The following FAM117A variants were observed in gnomAD, a reference collection of about 807,000 sequenced individuals.
FAM117A encodes family with sequence similarity 117 member A.
In FAM117A, 21 loss-of-function variants were observed where a neutral mutation model predicts 44.1. The observed-to-expected ratio is 0.48, with a 90% CI of 0.34 to 0.69. The LOEUF (loss-of-function observed/expected upper bound fraction) is 0.69. FAM117A is among the 30% of genes least tolerant of loss of function. FAM117A has a pLI of 0.01. For synonymous variants in FAM117A, 220 were observed against 238.3 expected (o/e 0.92, Z 0.71); for missense variants, 498 against 589.9 (o/e 0.84, Z 1.61).
chr17:49,720,587 G>T, intron 3 of FAM117A, 151 bp from the exon 4 acceptor site: 4 of 630,334 alleles, frequency 6.3e-6, no homozygotes, highest in Non-Finnish European at 1.1e-5. Flanking sequence ...TAGCTCAATG[G>T]TGTTAAAACT....
At chr17:49,782,722 C>A (rs973125417) in intron 1 of FAM117A, among the ~76,000 whole-genome samples, 1 of 147,470 alleles carries the variant, frequency 6.8e-6, no homozygotes, top group Non-Finnish European at 1.5e-5. Context: ...CCCTTTGTGG[C>A]GGCAATGAGA....
chr17:49,719,183 C>T (rs1204286993), intron 5 of FAM117A, among the ~76,000 whole-genome samples: 1 of 152,132 alleles, frequency 6.6e-6, no homozygotes, highest in South Asian at 2.1e-4. Flanking sequence ...ACTGCTTGAA[C>T]CCGGGAGGCG....
intron 1 of FAM117A, among the ~76,000 whole-genome samples, chr17:49,756,874 G>A (rs1053743964): frequency 2.0e-5 from 3 of 146,740 alleles, no homozygotes; most frequent in East Asian, 4.0e-4. Context: ...CTGAGATCAC[G>A]CCACTGCACT....
At chr17:49,783,560 A>T (rs1259691301) in intron 1 of FAM117A, among the ~76,000 whole-genome samples, 1 of 152,154 alleles carries the variant, frequency 6.6e-6, no homozygotes, top group Non-Finnish European at 1.5e-5. Flanking sequence ...GGTGGGGGCT[A>T]AGGGTGCTAC....
chr17:49,713,602 G>A (rs981137004), intron 7 of FAM117A, among the ~76,000 whole-genome samples: 2 of 151,966 alleles, frequency 1.3e-5, no homozygotes, highest in African/African-American at 2.4e-5. Context: ...CACCTCCTGG[G>A]CTCAAGCAAT....
intron 1 of FAM117A, 88 bp downstream of exon 1, chr17:49,763,804 C>T (rs1474224070): frequency 2.0e-6 from 1 of 491,668 alleles, no homozygotes. Context: ...ACTTTCCCCT[C>T]ACACTTCTCC....
At chr17:49,778,118 TTG>T (rs1487023090) in intron 1 of FAM117A, among the ~76,000 whole-genome samples, 14 of 152,232 alleles carry the variant, frequency 9.2e-5, no homozygotes, top group African/African-American at 3.4e-4. Flanking sequence ...TGTGTAGCTA[TTG>T]TCTATACATG....
chr17:49,777,771 A>G (rs1337290675), intron 1 of FAM117A, among the ~76,000 whole-genome samples: 1 of 152,160 alleles, frequency 6.6e-6, no homozygotes, highest in East Asian at 1.9e-4. Context: ...CAGGAATACC[A>G]GGCCCAGGCA....
rs771955381 is a variant in FAM117A at position 49,732,685 on chromosome 17, C to T, written c.232G>A (p.Val78Met). Residue 78 changes from valine (V) to methionine (M), a missense_variant, in exon 2 of 8, where the codon GTG becomes ATG. Coordinates refer to ENST00000240364, the MANE Select transcript of FAM117A (RefSeq NM_030802.4). ...VPCSVAPEKS[V>M]CRPQPLQVRR... ...ACCTGAAGTGGCTGAGGCCTACACA[C>T]TGACTTTTCTGGGGCCACCGAGCAT... 8 of 1,613,870 alleles carry T rather than the reference C, an allele frequency of 5.0e-6. No homozygotes were observed. The highest frequency in any genetic ancestry group is 6.8e-6 in the Non-Finnish European group (8 of 1,179,924).
chr17:49,768,165 G>A (rs772512647), upstream of FAM117A, among the ~76,000 whole-genome samples: 5 of 152,150 alleles, frequency 3.3e-5, no homozygotes, highest in African/African-American at 4.8e-5. Flanking sequence ...AAGGGTCTAA[G>A]AGATTACCAA....
intron 2 of FAM117A, among the ~76,000 whole-genome samples, chr17:49,726,835 C>T (rs945817046): frequency 6.6e-6 from 1 of 151,814 alleles, no homozygotes; most frequent in Non-Finnish European, 1.5e-5. Context: ...TTTAAATTAG[C>T]CAGTTATGGT....
chr17:49,774,626 G>A (rs960099969), intron 1 of FAM117A, among the ~76,000 whole-genome samples: 13 of 152,180 alleles, frequency 8.5e-5, no homozygotes, highest in Non-Finnish European at 1.9e-4. Flanking sequence ...CCAAAGTGCT[G>A]GGATTACAGG....
In FAM117A at chr17:49,719,850, G is replaced by C; in HGVS notation, c.618C>G (p.Leu206=). ...SFPSGSPVLR[L]SPCLHRSLEG... ...CCAGGCTCCTGTGCAGGCAGGGGCT[G>C]AGTCGCAAGACAGGGGACCCTGAGG... The change falls in exon 5 of 8, where the codon CTC becomes CTG. Residue 206 remains leucine, a synonymous_variant. Transcript: ENST00000240364. 1 of 1,608,138 alleles carries C rather than the reference G, an allele frequency of 6.2e-7. No individual in the cohort carries two copies.
At chr17:49,787,775 C>G (rs950958117) in intron 1 of FAM117A, among the ~76,000 whole-genome samples, 1 of 152,206 alleles carries the variant, frequency 6.6e-6, no homozygotes, top group Admixed American at 6.5e-5. Context: ...CTTCTCCTTC[C>G]TAGGCCCTCT....
chr17:49,760,615 A>G (rs1334197810), intron 1 of FAM117A, among the ~76,000 whole-genome samples: 1 of 152,236 alleles, frequency 6.6e-6, no homozygotes, highest in Non-Finnish European at 1.5e-5. Context: ...CCTAGCACCC[A>G]GCTGGTCCCA....
intron 1 of FAM117A, among the ~76,000 whole-genome samples, chr17:49,738,643 C>T (rs1325054530): frequency 2.0e-5 from 3 of 152,166 alleles, no homozygotes; most frequent in African/African-American, 7.2e-5. Context: ...GCTGGCACAG[C>T]GCCTCACTGG....
intron 1 of FAM117A, among the ~76,000 whole-genome samples, chr17:49,754,828 C>T (rs2073691827): frequency 6.6e-6 from 1 of 151,712 alleles, no homozygotes; most frequent in South Asian, 2.1e-4. Flanking sequence ...TACCTGAGGT[C>T]GGGAGTTCGA....
At chr17:49,721,358 C>G (rs955087006) in intron 3 of FAM117A, among the ~76,000 whole-genome samples, 5 of 152,142 alleles carry the variant, frequency 3.3e-5, no homozygotes, top group African/African-American at 1.2e-4. Flanking sequence ...GAGAGTAGAT[C>G]TGCTACCCAC....
chr17:49,758,645 ATAAATAAAT>A (rs2073709877), intron 1 of FAM117A, among the ~76,000 whole-genome samples: 1 of 140,774 alleles, frequency 7.1e-6, no homozygotes, highest in Admixed American at 7.2e-5. Context: ...AATAAAATAA[ATAAATAAAT>A]AAATAAATAA....
Sources: gnomAD v4.1 joint callset for allele counts (sites outside exome capture counted in the v4.1 genomes callset) on GRCh38, gnomAD v4.1.1 for gene constraint, MANE v1.5 for transcripts, NCBI Gene and HGNC (gene_info 2026-07-23, HGNC 2026-07-21) for gene names.